The following SGPP2 variants were observed in gnomAD, a reference collection of about 807,000 sequenced individuals.
The protein encoded by SGPP2 is sphingosine 1-phosphate phosphohydrolase 2.
A neutral mutation model predicts 33.9 loss-of-function variants in SGPP2; 30 were observed. The ratio of observed to expected loss-of-function variants is 0.89; its 90% CI spans 0.66 to 1.20. The LOEUF (loss-of-function observed/expected upper bound fraction) is 1.20. Among genes scored for constraint, SGPP2 ranks in the 50% most tolerant of loss-of-function variants. The pLI is 0.00. For synonymous variants in SGPP2, 233 were observed against 225.0 expected (o/e 1.04, Z -0.32); for missense variants, 458 against 532.1 (o/e 0.86, Z 1.37).
Position 222,558,456 on chromosome 2 carries a change from T to C in SGPP2, c.758T>C (p.Val253Ala). ...GCCAGCCCCCTCTTCCCCGTGTGTG[T>C]CATAGTTGTGCCATTCTTCCTGTGT... Reference protein sequence around the residue: ...DSASPLFPVCVIVVPFFLCYN... With the variant: ...DSASPLFPVCAIVVPFFLCYN... The change falls in exon 5 of 5, where the codon GTC becomes GCC. Residue 253 changes from valine (V) to alanine (A), a missense_variant. Transcript: ENST00000321276. 6.2e-7 allele frequency: 1 copy of C among 1,614,172 alleles called. No individual in the cohort carries two copies. The highest frequency in any genetic ancestry group is 1.1e-5 in the South Asian group (1 of 91,088).
chr2:222,541,599 TTTA>T (rs1409301823), intron 4 of SGPP2, among the ~76,000 whole-genome samples: 5 of 10,434 alleles, frequency 4.8e-4, no homozygotes, highest in Non-Finnish European at 1.5e-3. Context: ...AACTATTTTA[TTTA>T]TTTATTTATT....
chr2:222,424,235 C>G (rs1355296776), upstream of SGPP2, among the ~76,000 whole-genome samples: 10 of 147,096 alleles, frequency 6.8e-5, no homozygotes, highest in African/African-American at 2.5e-4. Flanking sequence ...TCGGCCGCTC[C>G]CATTAGTGTT....
In SGPP2 at chr2:222,477,516, T is replaced by A. The variant is rs1697964623; in HGVS notation, c.378+2790T>A. Among the ~76,000 whole-genome samples the A allele has an allele frequency of 6.6e-6, 1 of 151,898 alleles. No individual in the cohort carries two copies. Among genetic ancestry groups the A allele is most frequent in the Non-Finnish European group, 1.5e-5 (1 of 67,932 alleles). ...GTATATATGTTTATGTGTATATATA[T>A]GTCTGTGTATATATGTGTATTTGTG... On this transcript the variant is annotated intron_variant, in intron 2 of 4. Transcript: ENST00000321276. The surrounding 1 kb of genome is among the most constrained non-coding windows in gnomAD (Gnocchi z 6.0).
rs191481345 is a variant in SGPP2 at position 222,482,769 on chromosome 2, G to A, written c.378+8043G>A. On this transcript the variant is annotated intron_variant, in intron 2 of 4. Transcript: ENST00000321276. ...TCCATCTCTGGCCAATGCATAGATT[G>A]GCTGTACTTGGTCCAAACAGCTGTA... is the stretch of plus-strand genomic sequence containing the variant. Among the ~76,000 whole-genome samples, 107 of 152,318 alleles carry A rather than the reference G, an allele frequency of 7.0e-4. 1 individual carries two copies. Among genetic ancestry groups the A allele is most frequent in the South Asian group, 6.2e-4 (3 of 4,830 alleles).
chr2:222,487,927 C>G (rs1185063877), intron 2 of SGPP2, among the ~76,000 whole-genome samples: 2 of 152,182 alleles, frequency 1.3e-5, no homozygotes, highest in Non-Finnish European at 2.9e-5. Context: ...ATCCCCTCTA[C>G]AACCCATACT....
intron 1 of SGPP2, among the ~76,000 whole-genome samples, chr2:222,451,320 G>A (rs773910629): frequency 1.3e-5 from 2 of 152,152 alleles, no homozygotes; most frequent in Non-Finnish European, 2.9e-5. Context: ...CCTAAAAAAG[G>A]GCAGGTGGAT....
intron 2 of SGPP2, among the ~76,000 whole-genome samples, chr2:222,488,378 T>C (rs1698144558): frequency 6.6e-6 from 1 of 152,228 alleles, no homozygotes; most frequent in East Asian, 1.9e-4. Context: ...CATTAGATTC[T>C]CTTAGGAGCA....
chr2:222,425,457 G>A (rs1283868171), intron 1 of SGPP2, among the ~76,000 whole-genome samples: 1 of 152,234 alleles, frequency 6.6e-6, no homozygotes, highest in Non-Finnish European at 1.5e-5. Flanking sequence ...ACCGACACCA[G>A]TGACTTCTAA....
At chr2:222,558,240 C>T in intron 4 of SGPP2, 107 bp from the exon 5 acceptor site, 1 of 1,235,332 alleles carries the variant, frequency 8.1e-7, no homozygotes, top group South Asian at 1.5e-5. Flanking sequence ...TAAAACAATG[C>T]AAAAATTGTG....
chr2:222,498,478 A>T (rs1225713630), intron 2 of SGPP2: 4 of 152,130 alleles, frequency 2.6e-5, no homozygotes, highest in Non-Finnish European at 5.9e-5. Context: ...TTACTAAAGG[A>T]TCACTGAATC....
At chr2:222,431,666 G>A (rs1346770019) in intron 1 of SGPP2, among the ~76,000 whole-genome samples, 1 of 152,180 alleles carries the variant, frequency 6.6e-6, no homozygotes, top group Admixed American at 6.5e-5. Context: ...ATAGGGTTCG[G>A]GTAACCCCAG....
At chr2:222,498,332 A>G (rs1698312209) in intron 2 of SGPP2, 1 of 152,218 alleles carries the variant, frequency 6.6e-6, no homozygotes, top group Admixed American at 6.5e-5. Context: ...TTGGAATGAT[A>G]CAGAGAAGAT....
rs187292960 is a variant in SGPP2 at position 222,460,758 on chromosome 2, G to A, written c.220-13810G>A. ...GGACCAGGTACTGTTTCAGGAACAC[G>A]GTGCCTCACAGCTTCCATGCCTCTC... On this transcript the variant is annotated intron_variant, in intron 1 of 4. Transcript: ENST00000321276. This position sits in a 1 kb window ranked among gnomAD's most constrained non-coding sequence, Gnocchi z 4.3. Among the ~76,000 whole-genome samples, 96 of 152,262 alleles carry A rather than the reference G, an allele frequency of 6.3e-4. No individual in the cohort carries two copies. The highest frequency in any genetic ancestry group is 5.7e-4 in the Non-Finnish European group (39 of 68,024).
chr2:222,540,898 G>A (rs1426250429), intron 4 of SGPP2, among the ~76,000 whole-genome samples: 1 of 143,696 alleles, frequency 7.0e-6, no homozygotes, highest in African/African-American at 2.6e-5. Context: ...GCTCACTGCA[G>A]CCTCCACCTC....
Position 222,474,583 on chromosome 2 carries a change from T to G in SGPP2, c.235T>G (p.Tyr79Asp), listed in dbSNP as rs145966419. 1 of 1,614,030 alleles carries G rather than the reference T, an allele frequency of 6.2e-7. No homozygotes were observed. Among genetic ancestry groups the G allele is most frequent in the East Asian group, 2.2e-5 (1 of 44,852 alleles). ...AAAPEAYVQK[Y>D]VVKNYFYYYL... ...TGTCTTTTAGGCTTATGTACAGAAGTACGTCGTGAAGAATTATTTCTACTA... is the reference window on the plus strand; with the variant it reads ...TGTCTTTTAGGCTTATGTACAGAAGGACGTCGTGAAGAATTATTTCTACTA... Residue 79 changes from tyrosine to aspartate, a missense_variant, in exon 2 of 5, where the codon TAC becomes GAC. Transcript: ENST00000321276.
At chr2:222,528,420 A>T (rs1198661985) in intron 4 of SGPP2, among the ~76,000 whole-genome samples, 1 of 152,140 alleles carries the variant, frequency 6.6e-6, no homozygotes, top group African/African-American at 2.4e-5. Flanking sequence ...TAAGTGTGCA[A>T]TTACATTATG....
At chr2:222,557,702 G>A (rs1252290268) in intron 4 of SGPP2, among the ~76,000 whole-genome samples, 4 of 152,186 alleles carry the variant, frequency 2.6e-5, no homozygotes, top group Non-Finnish European at 5.9e-5. Context: ...GCAAGCCACT[G>A]TTCTAAAGAA....
At chr2:222,554,934 T>C (rs1689361735) in intron 4 of SGPP2, among the ~76,000 whole-genome samples, 1 of 152,214 alleles carries the variant, frequency 6.6e-6, no homozygotes, top group African/African-American at 2.4e-5. Context: ...TGTATTGATC[T>C]GAGTGACCCC....
At position 222,477,040 on chromosome 2, in the gene SGPP2, T is replaced by C. The variant is rs1559155063; in HGVS notation, c.378+2314T>C. 6.8e-6 allele frequency among the ~76,000 whole-genome samples: 1 copy of C among 147,258 alleles called. No individual in the cohort carries two copies. Among genetic ancestry groups the C allele is most frequent in the African/African-American group, 2.7e-5 (1 of 37,104 alleles). ...GTATATAGGTGTGTATATATGTGTATGTGTGTATAGGTGTGTATATATGTG... is the reference window on the plus strand; with the variant it reads ...GTATATAGGTGTGTATATATGTGTACGTGTGTATAGGTGTGTATATATGTG... On this transcript the variant is annotated intron_variant, in intron 2 of 4. Transcript: ENST00000321276. The surrounding 1 kb of genome is among the most constrained non-coding windows in gnomAD (Gnocchi z 6.0).
Sources: allele counts gnomAD v4.1 joint callset (sites outside exome capture counted in the v4.1 genomes callset), GRCh38; gene constraint gnomAD v4.1.1; non-coding constraint Gnocchi (gnomAD v3.1); transcripts MANE v1.5; gene names NCBI Gene and HGNC (gene_info 2026-07-23, HGNC 2026-07-21).